PDE6A: variants seen among roughly 807,000 people sequenced by gnomAD.
The protein encoded by PDE6A is phosphodiesterase 6A, also known as rod cGMP-specific 3',5'-cyclic phosphodiesterase subunit alpha.
PDE6A carries 84 observed loss-of-function variants against 106.3 expected under a neutral mutation model. The ratio of observed to expected loss-of-function variants is 0.79; its 90% CI spans 0.66 to 0.95. The LOEUF is 0.95. Among genes scored for constraint, PDE6A ranks in the 40% least tolerant of loss-of-function variants. The pLI, the probability that PDE6A is intolerant of heterozygous loss-of-function variation, is 0.00. For missense variants in PDE6A, 1,052 were observed against 1,084.9 expected (o/e 0.97, Z 0.43); for synonymous variants, 394 against 386.6 (o/e 1.02, Z -0.23).
Position 149,884,599 on chromosome 5 carries a change from C to T in PDE6A, c.1927-20G>A, listed in dbSNP as rs371677858. On this transcript the variant is annotated intron_variant, in intron 15 of 21. Transcript: ENST00000255266. ...CAGGCTCTAAAGAAAAAAAGAGAAG[C>T]GAGATGGGAGAGAATTGATGCTGGC... The T allele has an allele frequency of 2.3e-5, 36 of 1,589,798 alleles. No homozygotes were observed. The highest frequency in any genetic ancestry group is 1.8e-4 in the Admixed American group (11 of 59,918).
chr5:149,944,116 T>G (rs921681037), intron 1 of PDE6A, 84 bp downstream of exon 1: 5 of 965,548 alleles, frequency 5.2e-6, no homozygotes, highest in Non-Finnish European at 8.4e-6. Flanking sequence ...CTTGTCTTGG[T>G]GGCCAATGCC....
At chr5:149,884,611 G>A (rs765347970) in intron 15 of PDE6A, 32 bp from the exon 16 acceptor site, 2 of 1,562,496 alleles carry the variant, frequency 1.3e-6, no homozygotes, top group Non-Finnish European at 1.8e-6. Context: ...AGATGGGAGA[G>A]AATTGATGCT....
rs567865002 is a variant in PDE6A at position 149,858,417 on chromosome 5, T to C, written c.*2478A>G. 1.3e-5 allele frequency: 2 copies of C among 152,348 alleles called. No homozygotes were observed. The highest frequency in any genetic ancestry group is 4.1e-4 in the South Asian group (2 of 4,830). 9.4% of individuals were successfully genotyped at this position (152,348 alleles called of 1,614,324 possible). The stretch of plus-strand genomic sequence containing the variant: ...TCAGTTACTATGGTATGAATGCTGA[T>C]CAGGCCAGTGCATTCCGCTAGGTAT... On this transcript the variant is annotated 3_prime_UTR_variant, in exon 22 of 22. Transcript: ENST00000255266.
At chr5:149,932,436 A>G in intron 3 of PDE6A, 2 of 1,392,370 alleles carry the variant, frequency 1.4e-6, no homozygotes, top group South Asian at 2.4e-5. Context: ...AGTTGACTGA[A>G]TAAGGTCAAG....
intron 17 of PDE6A, among the ~76,000 whole-genome samples, chr5:149,872,421 C>T (rs1760594708): frequency 6.6e-6 from 1 of 152,174 alleles, no homozygotes; most frequent in Non-Finnish European, 1.5e-5. Flanking sequence ...TCAGCACCTG[C>T]ATTCATCTCA....
At position 149,903,657 on chromosome 5, in the gene PDE6A, A is replaced by G. The variant is rs1193959960; in HGVS notation, c.1104T>C (p.Phe368=). Residue 368 remains phenylalanine, a synonymous_variant, in exon 8 of 22, where the codon TTT becomes TTC. Coordinates refer to ENST00000255266, the MANE Select transcript of PDE6A (RefSeq NM_000440.3). The part of the protein sequence containing the change: ...NIMNAPAEDF[F]AFQKEPLDES... ...ATAAAAAATGACTTACCTGAAATGC[A>G]AAAAAGTCCTCCGCAGGCGCATTCA... The G allele has an allele frequency of 6.2e-7, 1 of 1,612,656 alleles. No homozygotes were observed. The highest frequency in any genetic ancestry group is 1.3e-5 in the African/African-American group (1 of 74,894).
rs772613637 is a variant in PDE6A at position 149,944,508 on chromosome 5, C to G, written c.166G>C (p.Glu56Gln). ...AGATCAAAGATGATTTCGCTCTCCT[C>G]CATGCTGCTCGGGGAGTGGTAGTTG... ...FSNYHSPSSM[E>Q]ESEIIFDLLR... Residue 56 changes from glutamate to glutamine, a missense_variant, in exon 1 of 22, where the codon GAG becomes CAG. By Grantham distance (29) the Glu-to-Gln change is conservative. Coordinates refer to ENST00000255266, the MANE Select transcript of PDE6A (RefSeq NM_000440.3). 2 of 1,614,156 alleles carry G rather than the reference C, an allele frequency of 1.2e-6. No homozygotes were observed. The highest frequency in any genetic ancestry group is 2.2e-5 in the South Asian group (2 of 91,076).
intron 8 of PDE6A, 138 bp from the exon 9 acceptor site, chr5:149,899,662 G>C: frequency 1.2e-6 from 1 of 869,316 alleles, no homozygotes; most frequent in Non-Finnish European, 1.9e-6. Context: ...TTTCGCATGA[G>C]TTTAATTACC....
intron 6 of PDE6A, among the ~76,000 whole-genome samples, chr5:149,908,913 G>C (rs571947463): frequency 6.6e-6 from 1 of 152,172 alleles, no homozygotes; most frequent in Admixed American, 6.5e-5. Context: ...AAAAATCTGG[G>C]TCTGGGTTGT....
At chr5:149,909,008 T>C (rs1753288244) in intron 6 of PDE6A, among the ~76,000 whole-genome samples, 1 of 152,218 alleles carries the variant, frequency 6.6e-6, no homozygotes, top group South Asian at 2.1e-4. Flanking sequence ...ATTTTGTCAG[T>C]TTTACTATTA....
intron 6 of PDE6A, among the ~76,000 whole-genome samples, chr5:149,911,178 G>T (rs1046370457): frequency 1.3e-5 from 2 of 151,982 alleles, no homozygotes; most frequent in Admixed American, 6.6e-5. Context: ...ACTGTGCCCG[G>T]CAACAAGCCA....
chr5:149,902,465 C>T (rs1753013678), intron 8 of PDE6A, among the ~76,000 whole-genome samples: 1 of 150,942 alleles, frequency 6.6e-6, no homozygotes, highest in Non-Finnish European at 1.5e-5. Context: ...TAACATTTTG[C>T]CAATGCTTTC....
intron 20 of PDE6A, among the ~76,000 whole-genome samples, chr5:149,865,878 T>C (rs1319918663): frequency 6.6e-6 from 1 of 152,234 alleles, no homozygotes; most frequent in African/African-American, 2.4e-5. Context: ...GCTAGGGAAC[T>C]TAGAAGGACA....
rs879263189 is a variant in PDE6A at position 149,884,288 on chromosome 5, GTGTATATA to G, written c.2027+183_2027+190del. Among the ~76,000 whole-genome samples the G allele has an allele frequency of 6.7e-3, 930 of 137,838 alleles. 11 individuals carry two copies. The highest frequency in any genetic ancestry group is 0.024 in the African/African-American group (890 of 37,862). The allele number at this position is 137,838 out of a possible 152,430, so 90.4% of individuals were successfully genotyped here. ...TATATATGTATATATGTGTATATATGTGTATATATGTATATATGTGTATATATGTATAT... is the reference window on the plus strand; with the variant it reads ...TATATATGTATATATGTGTATATATGTGTATATATGTGTATATATGTATAT... On this transcript the variant is annotated intron_variant, in intron 16 of 21. Coordinates refer to ENST00000255266, the MANE Select transcript of PDE6A (RefSeq NM_000440.3).
intron 8 of PDE6A, among the ~76,000 whole-genome samples, chr5:149,903,147 T>TAAAAAAAAAAAAAA (rs373566897): frequency 2.2e-4 from 20 of 90,962 alleles, no homozygotes; most frequent in East Asian, 3.4e-4. Flanking sequence ...AGACCCTCTC[T>TAAAAAAAAAAAAAA]AAAAAAAAAA....
rs562096065 is a variant in PDE6A at position 149,934,115 on chromosome 5, C to A, written c.628-96G>T. ...AGCAAATATCTGAATATTTTCAAAG[C>A]TTCATCAGAGACAATTTGGGCAGAT... On this transcript the variant is annotated intron_variant, in intron 2 of 21. Transcript: ENST00000255266. The A allele has an allele frequency of 2.9e-5, 22 of 762,192 alleles. No individual in the cohort carries two copies. In the East Asian group the frequency reaches 5.6e-4, roughly 19 times the overall value. 47.2% of individuals were successfully genotyped at this position (762,192 alleles called of 1,614,324 possible). A position where few individuals can be genotyped will look rare whatever the true frequency, so the allele number is the denominator to read the frequency against.
intron 20 of PDE6A, among the ~76,000 whole-genome samples, chr5:149,864,955 C>T (rs1482621700): frequency 1.3e-5 from 2 of 152,146 alleles, no homozygotes; most frequent in African/African-American, 2.4e-5. Context: ...AACTCATTCC[C>T]TCAGCTGGGC....
intron 13 of PDE6A, among the ~76,000 whole-genome samples, chr5:149,888,866 G>A (rs909402177): frequency 6.6e-5 from 10 of 151,566 alleles, no homozygotes; most frequent in South Asian, 4.2e-4. Context: ...GGCGGATCAC[G>A]AGGTCAGGAG....
At chr5:149,897,852 G>T (rs553436841) in intron 10 of PDE6A, among the ~76,000 whole-genome samples, 12 of 152,260 alleles carry the variant, frequency 7.9e-5, no homozygotes, top group African/African-American at 2.9e-4. Context: ...CTCCCAAAGT[G>T]CTGAGATTAT....
Sources: allele counts gnomAD v4.1 joint callset (sites outside exome capture counted in the v4.1 genomes callset), GRCh38; gene constraint gnomAD v4.1.1; transcripts MANE v1.5; gene names NCBI Gene and HGNC (gene_info 2026-07-23, HGNC 2026-07-21).